SLC39A10: variants seen among roughly 807,000 people sequenced by gnomAD.
SLC39A10 encodes the protein zinc transporter ZIP10.
A neutral mutation model predicts 65.1 loss-of-function variants in SLC39A10; 13 were observed. The observed-to-expected ratio is 0.20, with a 90% CI of 0.13 to 0.32. SLC39A10 has a LOEUF of 0.32. SLC39A10 is among the 10% of genes least tolerant of loss of function. The pLI is 1.00. For synonymous variants in SLC39A10, 321 were observed against 342.2 expected, an observed-to-expected ratio of 0.94 and a Z score of 0.68; for missense variants, 831 against 1,018.4, an observed-to-expected ratio of 0.82 and a Z score of 2.50.
intron 2 of SLC39A10, among the ~76,000 whole-genome samples, chr2:195,624,075 T>TCA (rs1195647787): frequency 1.3e-5 from 2 of 152,100 alleles, no homozygotes; most frequent in Non-Finnish European, 2.9e-5. Flanking sequence ...TGTGATCCCT[T>TCA]CAGCTGTATT....
intron 2 of SLC39A10, among the ~76,000 whole-genome samples, chr2:195,647,944 G>A (rs947213299): frequency 4.6e-5 from 7 of 152,082 alleles, no homozygotes; most frequent in Non-Finnish European, 1.0e-4. Flanking sequence ...ATAAATCTAA[G>A]GACTGAAAAG....
chr2:195,675,377 T>C (rs1690040963), intron 1 of SLC39A10, among the ~76,000 whole-genome samples: 1 of 152,160 alleles, frequency 6.6e-6, no homozygotes, highest in African/African-American at 2.4e-5. Context: ...TTACCCACTT[T>C]GGTTGAGTGT....
chr2:195,624,429 C>G (rs956547341), intron 2 of SLC39A10, among the ~76,000 whole-genome samples: 11 of 135,728 alleles, frequency 8.1e-5, no homozygotes, highest in African/African-American at 2.7e-4. Context: ...GGCCTAAAAA[C>G]AAGACAAAAA....
In SLC39A10 at chr2:195,713,423, C is replaced by CT. The variant is rs774998768; in HGVS notation, c.1576-3dup. 1.3e-6 allele frequency: 2 copies of CT among 1,528,672 alleles called. No homozygotes were observed. The highest frequency in any genetic ancestry group is 1.3e-5 in the South Asian group (1 of 78,464). 94.7% of individuals were successfully genotyped at this position (1,528,672 alleles called of 1,614,324 possible). ...ACTAATATCAGATACTATTTTTTTT[C>CT]TTTTTTTAGGGAAAACAGAAATGGT... is the stretch of plus-strand genomic sequence containing the variant. On this transcript the variant is annotated splice_polypyrimidine_tract_variant and intron_variant, in intron 5 of 9. Coordinates refer to ENST00000359634, the MANE Select transcript of SLC39A10 (RefSeq NM_020342.3).
chr2:195,719,418 C>T (rs1047310211), intron 8 of SLC39A10, among the ~76,000 whole-genome samples: 1 of 152,150 alleles, frequency 6.6e-6, no homozygotes. Context: ...GGACACAGCA[C>T]GTGGCCTTTA....
At chr2:195,713,178 T>G (rs1691659111) in intron 5 of SLC39A10, among the ~76,000 whole-genome samples, 1 of 152,252 alleles carries the variant, frequency 6.6e-6, no homozygotes, top group Non-Finnish European at 1.5e-5. Context: ...AATTCAGTAC[T>G]GTGTGCTCTG....
chr2:195,687,215 G>A (rs1690559830), intron 3 of SLC39A10, among the ~76,000 whole-genome samples: 1 of 152,064 alleles, frequency 6.6e-6, no homozygotes, highest in Non-Finnish European at 1.5e-5. Flanking sequence ...GGGAAGCTAG[G>A]TCTGAGATTA....
At chr2:195,613,042 A>AT (rs1688132521) in intron 2 of SLC39A10, among the ~76,000 whole-genome samples, 2 of 152,190 alleles carry the variant, frequency 1.3e-5, no homozygotes. Flanking sequence ...CATTCAAAGA[A>AT]GGGAAAGAGA....
At chr2:195,646,473 T>C (rs1197580248) in intron 2 of SLC39A10, among the ~76,000 whole-genome samples, 1 of 152,216 alleles carries the variant, frequency 6.6e-6, no homozygotes, top group Non-Finnish European at 1.5e-5. Flanking sequence ...TGCAGCTCTG[T>C]AGGTCTGACA....
intron 1 of SLC39A10, among the ~76,000 whole-genome samples, chr2:195,659,434 G>T (rs1689296948): frequency 6.6e-6 from 1 of 152,054 alleles, no homozygotes; most frequent in South Asian, 2.1e-4. Flanking sequence ...TAATCTAGGG[G>T]GTGTGCCTTT....
chr2:195,664,120 GA>G (rs1689537613), intron 1 of SLC39A10, among the ~76,000 whole-genome samples: 1 of 151,776 alleles, frequency 6.6e-6, no homozygotes, highest in South Asian at 2.1e-4. Flanking sequence ...AATATATTAA[GA>G]AAAAAGTTCT....
rs771417422 is a variant in SLC39A10 at position 195,713,469 on chromosome 2, G to A, written c.1612G>A (p.Glu538Lys). 1.9e-6 allele frequency: 3 copies of A among 1,577,752 alleles called. No individual in the cohort carries two copies. The highest frequency in any genetic ancestry group is 8.5e-7 in the Non-Finnish European group (1 of 1,170,010). The change falls in exon 6 of 10, where the codon GAA (glutamate) becomes AAA (lysine). Residue 538 changes from glutamate to lysine, a missense_variant. Physicochemically the swap from Glu to Lys is moderately conservative, Grantham distance 56. Transcript: ENST00000359634. The stretch of plus-strand genomic sequence containing the variant: ...ATGGTTTATGAAACAGAACACAGAA[G>A]AATCAACTATTGGAAGAAAGCTTTC... ...QKWFMKQNTE[E>K]STIGRKLSDH...
chr2:195,622,553 T>C (rs1385094943), intron 2 of SLC39A10, among the ~76,000 whole-genome samples: 2 of 152,240 alleles, frequency 1.3e-5, no homozygotes, highest in Admixed American at 1.3e-4. Flanking sequence ...ACACCAACAC[T>C]GTTACTAGTC....
At position 195,712,870 on chromosome 2, in the gene SLC39A10, G is replaced by A. The variant is rs527299895; in HGVS notation, c.1576-563G>A. Among the ~76,000 whole-genome samples the A allele has an allele frequency of 2.7e-4, 41 of 152,198 alleles. 1 individual carries two copies. Among genetic ancestry groups the A allele is most frequent in the African/African-American group, 9.9e-4 (41 of 41,544 alleles). ...CTACTAAGAGTCACTTACTGTGATA[G>A]GTCCTTTCATACATCACCTCATTTA... On this transcript the variant is annotated intron_variant, in intron 5 of 9. Transcript: ENST00000359634.
chr2:195,655,596 T>G (rs553912377), upstream of SLC39A10, among the ~76,000 whole-genome samples: 1 of 152,328 alleles, frequency 6.6e-6, no homozygotes, highest in Admixed American at 6.5e-5. Flanking sequence ...TAGAATATAT[T>G]TAAAACGATC....
At chr2:195,617,990 T>C (rs545974311) in intron 2 of SLC39A10, among the ~76,000 whole-genome samples, 61 of 149,056 alleles carry the variant, frequency 4.1e-4, no homozygotes, top group African/African-American at 1.4e-3. Flanking sequence ...CCGCCCACCT[T>C]GGCCTCCCAA....
intron 2 of SLC39A10, among the ~76,000 whole-genome samples, chr2:195,681,929 C>G (rs190171504): frequency 1.4e-4 from 21 of 152,270 alleles, no homozygotes; most frequent in African/African-American, 5.1e-4. Flanking sequence ...CTTGTTTTCT[C>G]TGTGTCACTT....
At chr2:195,722,322 G>A (rs1692072903) in intron 8 of SLC39A10, among the ~76,000 whole-genome samples, 1 of 152,172 alleles carries the variant, frequency 6.6e-6, no homozygotes, top group Admixed American at 6.5e-5. Flanking sequence ...TAGCTGGATA[G>A]GCTACTAGGG....
intron 2 of SLC39A10, among the ~76,000 whole-genome samples, chr2:195,646,484 C>T (rs762209917): frequency 2.6e-5 from 4 of 152,152 alleles, no homozygotes; most frequent in Non-Finnish European, 5.9e-5. Flanking sequence ...AGGTCTGACA[C>T]GAATTTCACT....
Sources: gnomAD v4.1 joint callset for allele counts (sites outside exome capture counted in the v4.1 genomes callset) on GRCh38, gnomAD v4.1.1 for gene constraint, MANE v1.5 for transcripts, NCBI Gene and HGNC (gene_info 2026-07-23, HGNC 2026-07-21) for gene names.